The following VPS53 variants were observed in gnomAD, a reference collection of about 807,000 sequenced individuals.
VPS53 encodes VPS53 subunit of GARP complex, also known as vacuolar protein sorting-associated protein 53 homolog.
Under a neutral mutation model 107.0 loss-of-function variants are expected in VPS53, and 70 were observed. The ratio of observed to expected loss-of-function variants is 0.65; its 90% CI spans 0.54 to 0.80. The LOEUF is 0.80. Among genes scored for constraint, VPS53 ranks in the 30% least tolerant of loss-of-function variants. VPS53 has a pLI of 0.00. For missense variants in VPS53, 917 were observed against 1,049.4 expected (o/e 0.87, Z 1.74); for synonymous variants, 409 against 393.3 (o/e 1.04, Z -0.47).
chr17:671,765 T>C lies in VPS53; in HGVS notation c.286-9870A>G, dbSNP rs971850315. On this transcript the variant is annotated intron_variant, in intron 4 of 21. Coordinates refer to ENST00000437048, the MANE Select transcript of VPS53 (RefSeq NM_001128159.3). ...TCGTCGTGGCATGATCTCAGCTCACTGCAACATCCGCCTCCTGGGTTCAAG... is the reference window on the plus strand; with the variant it reads ...TCGTCGTGGCATGATCTCAGCTCACCGCAACATCCGCCTCCTGGGTTCAAG... 3.3e-5 allele frequency among the ~76,000 whole-genome samples: 5 copies of C among 150,982 alleles called. No homozygotes were observed. The East Asian group carries it at 9.9e-4, about 30-fold the overall frequency.
chr17:528,386 A>G (rs537366387), intron 19 of VPS53, among the ~76,000 whole-genome samples: 1 of 152,154 alleles, frequency 6.6e-6, no homozygotes, highest in East Asian at 1.9e-4. Flanking sequence ...TTCACTTAAC[A>G]TGGTTTCAAG....
At chr17:664,769 C>T (rs983368123) in intron 4 of VPS53, among the ~76,000 whole-genome samples, 2 of 152,140 alleles carry the variant, frequency 1.3e-5, no homozygotes, top group Non-Finnish European at 2.9e-5. Flanking sequence ...CCGGTGCTGA[C>T]GGGAAGACGC....
intron 1 of VPS53, 188 bp downstream of exon 1, chr17:714,435 A>C: frequency 1.7e-6 from 1 of 603,344 alleles, no homozygotes; most frequent in Non-Finnish European, 2.9e-6. Context: ...CAAAGCCTAG[A>C]AAGGGTTCTC....
At chr17:652,425 T>A (rs904299099) in intron 7 of VPS53, among the ~76,000 whole-genome samples, 19 of 152,216 alleles carry the variant, frequency 1.2e-4, no homozygotes, top group African/African-American at 4.6e-4. Flanking sequence ...TCTTGAATCT[T>A]AGCAGCCTTG....
At chr17:607,222 AT>A (rs1968627761) in intron 11 of VPS53, among the ~76,000 whole-genome samples, 1 of 152,174 alleles carries the variant, frequency 6.6e-6, no homozygotes, top group South Asian at 2.1e-4. Context: ...TGTCAAAAGA[AT>A]TTCTATTAAC....
chr17:612,982 TCA>T (rs1309356750), intron 11 of VPS53, among the ~76,000 whole-genome samples: 2 of 146,556 alleles, frequency 1.4e-5, no homozygotes, highest in East Asian at 4.2e-4. Context: ...GTACAAATAT[TCA>T]CATAGTGAGT....
At chr17:552,563 C>T (rs1318560815) in intron 16 of VPS53, 1 of 153,908 alleles carries the variant, frequency 6.5e-6, no homozygotes, top group Non-Finnish European at 1.4e-5. Context: ...CTCCCACACT[C>T]TTATTCCCTC....
intron 11 of VPS53, among the ~76,000 whole-genome samples, chr17:619,158 G>T (rs1400818460): frequency 6.8e-6 from 1 of 146,576 alleles, no homozygotes; most frequent in South Asian, 2.2e-4. Context: ...TATTTCCCAG[G>T]TAGCTGGGAC....
intron 11 of VPS53, among the ~76,000 whole-genome samples, chr17:622,125 T>C (rs539697941): frequency 1.3e-5 from 2 of 152,056 alleles, no homozygotes; most frequent in Non-Finnish European, 2.9e-5. Flanking sequence ...GGCAGGAGAA[T>C]TGCTTGAACC....
chr17:564,730 C>A (rs1238435445), intron 13 of VPS53, among the ~76,000 whole-genome samples: 1 of 150,796 alleles, frequency 6.6e-6, no homozygotes, highest in Non-Finnish European at 1.5e-5. Flanking sequence ...AAAAAAAAAA[C>A]AAAAACCAAA....
At chr17:688,185 T>C (rs1972658851) in intron 4 of VPS53, among the ~76,000 whole-genome samples, 1 of 152,182 alleles carries the variant, frequency 6.6e-6, no homozygotes, top group Non-Finnish European at 1.5e-5. Context: ...CTACATGTCA[T>C]AGGAGGGACC....
At chr17:569,559 G>A (rs1327846324) in intron 13 of VPS53, among the ~76,000 whole-genome samples, 2 of 152,166 alleles carry the variant, frequency 1.3e-5, no homozygotes, top group Non-Finnish European at 2.9e-5. Context: ...ATAAGGGGGA[G>A]AAGTGACAGC....
At chr17:619,613 GGCGT>G (rs1567681368) in intron 11 of VPS53, among the ~76,000 whole-genome samples, 1 of 85,556 alleles carries the variant, frequency 1.2e-5, no homozygotes, top group Non-Finnish European at 2.2e-5. Context: ...TGGGACTACA[GGCGT>G]GCACCACCAC....
intron 4 of VPS53, among the ~76,000 whole-genome samples, chr17:664,806 T>C (rs35083857): frequency 0.13 from 19,882 of 152,046 alleles, 1,655 homozygotes; most frequent in South Asian, 0.23. Context: ...TCCAGGAAGG[T>C]ACAATGTGTA....
intron 15 of VPS53, among the ~76,000 whole-genome samples, chr17:557,632 T>G (rs1249199467): frequency 6.6e-6 from 1 of 152,156 alleles, no homozygotes; most frequent in African/African-American, 2.4e-5. Flanking sequence ...TTTCTTTTAG[T>G]GGAAAATTGT....
intron 4 of VPS53, among the ~76,000 whole-genome samples, chr17:665,559 G>A (rs2143647163): frequency 6.6e-6 from 1 of 152,360 alleles, no homozygotes; most frequent in East Asian, 1.9e-4. Context: ...ATGTGGAACA[G>A]TCTTGAAGTG....
At chr17:591,619 C>G (rs1390801299) in intron 12 of VPS53, among the ~76,000 whole-genome samples, 3 of 152,052 alleles carry the variant, frequency 2.0e-5, no homozygotes, top group Non-Finnish European at 4.4e-5. Context: ...TTTATTTCTG[C>G]CTTCATTTCG....
Position 626,170 on chromosome 17 carries a change from C to T in VPS53, c.974+1004G>A, listed in dbSNP as rs983012223. On this transcript the variant is annotated intron_variant, in intron 10 of 21. Coordinates refer to ENST00000437048, the MANE Select transcript of VPS53 (RefSeq NM_001128159.3). ...GCTGCTGTGAGCCATGATCACACCACTGCACTCCAGTCTGGGTGACAAAGT... is the reference window on the plus strand; with the variant it reads ...GCTGCTGTGAGCCATGATCACACCATTGCACTCCAGTCTGGGTGACAAAGT... Among the ~76,000 whole-genome samples, 8 of 151,358 alleles carry T rather than the reference C, an allele frequency of 5.3e-5. No homozygotes were observed. The East Asian group carries it at 1.2e-3, about 22-fold the overall frequency.
intron 12 of VPS53, among the ~76,000 whole-genome samples, chr17:596,461 G>A (rs932809370): frequency 2.6e-5 from 4 of 152,130 alleles, no homozygotes; most frequent in Non-Finnish European, 4.4e-5. Flanking sequence ...GGCAGTGCCA[G>A]GGTTCCACCT....
Sources: gnomAD v4.1 joint callset for allele counts (sites outside exome capture counted in the v4.1 genomes callset) on GRCh38, gnomAD v4.1.1 for gene constraint, MANE v1.5 for transcripts, NCBI Gene and HGNC (gene_info 2026-07-23, HGNC 2026-07-21) for gene names.